The following APBA1 variants were observed in gnomAD, a reference collection of about 807,000 sequenced individuals.
APBA1 encodes the protein amyloid beta precursor protein binding family A member 1.
APBA1 carries 55 observed loss-of-function variants against 86.6 expected under a neutral mutation model. The ratio of observed to expected loss-of-function variants is 0.64; its 90% CI spans 0.51 to 0.80. The LOEUF is 0.80. Among genes scored for constraint, APBA1 ranks in the 30% least tolerant of loss-of-function variants. The pLI, the probability that APBA1 is intolerant of heterozygous loss-of-function variation, is 0.00. For synonymous variants in APBA1, 511 were observed against 493.9 expected (o/e 1.03, Z -0.46); for missense variants, 1,090 against 1,183.0 (o/e 0.92, Z 1.15).
intron 1 of APBA1, among the ~76,000 whole-genome samples, chr9:69,518,396 A>C (rs1024865392): frequency 3.9e-5 from 6 of 152,212 alleles, no homozygotes; most frequent in African/African-American, 1.4e-4. Context: ...TAAAATTCTA[A>C]GATTTTATGA....
chr9:69,579,820 C>G (rs1430149691), intron 1 of APBA1, among the ~76,000 whole-genome samples: 3 of 152,102 alleles, frequency 2.0e-5, no homozygotes, highest in Non-Finnish European at 4.4e-5. Context: ...AAGAGAAAAG[C>G]CAATTTGGAA....
At chr9:69,488,105 GAGA>G (rs566587282) in intron 2 of APBA1, among the ~76,000 whole-genome samples, 1 of 152,128 alleles carries the variant, frequency 6.6e-6, no homozygotes, top group Non-Finnish European at 1.5e-5. Context: ...GCACTGGTTA[GAGA>G]AGGAGTGATG....
chr9:69,656,012 C>T (rs1038112893), intron 1 of APBA1, among the ~76,000 whole-genome samples: 1 of 152,330 alleles, frequency 6.6e-6, no homozygotes, highest in East Asian at 1.9e-4. Context: ...GTATCCCATA[C>T]ATGTACAATT....
chr9:69,475,548 C>T (rs1204875560), intron 3 of APBA1, among the ~76,000 whole-genome samples: 1 of 152,148 alleles, frequency 6.6e-6, no homozygotes, highest in Non-Finnish European at 1.5e-5. Context: ...CCTAGGTAAA[C>T]TGGGAATGTA....
chr9:69,658,298 C>CTT (rs1823670070), intron 1 of APBA1, among the ~76,000 whole-genome samples: 5 of 82,906 alleles, frequency 6.0e-5, no homozygotes, highest in Admixed American at 1.4e-4. Flanking sequence ...CTCTCTTTCT[C>CTT]TCTCTCTCTT....
At chr9:69,584,292 G>A (rs914923510) in intron 1 of APBA1, among the ~76,000 whole-genome samples, 2 of 152,120 alleles carry the variant, frequency 1.3e-5, no homozygotes, top group Non-Finnish European at 2.9e-5. Context: ...CTAGAGGGTG[G>A]TAGTGGATGA....
At chr9:69,566,221 C>T (rs1380879691) in intron 1 of APBA1, among the ~76,000 whole-genome samples, 3 of 152,232 alleles carry the variant, frequency 2.0e-5, no homozygotes, top group Non-Finnish European at 2.9e-5. Flanking sequence ...TTTTATAGCA[C>T]AGATTAGGGA....
intron 1 of APBA1, among the ~76,000 whole-genome samples, chr9:69,631,993 C>T (rs1215029608): frequency 6.6e-6 from 1 of 151,878 alleles, no homozygotes; most frequent in Non-Finnish European, 1.5e-5. Context: ...CACATGTATA[C>T]ATATGTAACA....
intron 3 of APBA1, chr9:69,474,494 A>G (rs989450592): frequency 6.6e-6 from 1 of 152,266 alleles, no homozygotes; most frequent in African/African-American, 2.4e-5. Flanking sequence ...AATGCTCAAG[A>G]AACGATAGTG....
At chr9:69,543,915 TA>T (rs1472436353) in intron 1 of APBA1, among the ~76,000 whole-genome samples, 2 of 152,204 alleles carry the variant, frequency 1.3e-5, no homozygotes, top group Non-Finnish European at 2.9e-5. Context: ...TTGCACAGTA[TA>T]AAAACAAATT....
intron 1 of APBA1, among the ~76,000 whole-genome samples, chr9:69,578,313 C>A (rs901823969): frequency 6.6e-6 from 1 of 152,230 alleles, no homozygotes; most frequent in African/African-American, 2.4e-5. Context: ...CAAGCCACAG[C>A]ACAGCTGGCC....
intron 1 of APBA1, among the ~76,000 whole-genome samples, chr9:69,621,159 G>A (rs1345847058): frequency 6.6e-6 from 1 of 152,218 alleles, no homozygotes; most frequent in Non-Finnish European, 1.5e-5. Context: ...TATCACCAGT[G>A]AAGGGAATTT....
chr9:69,638,831 G>A (rs1823230445), intron 1 of APBA1, among the ~76,000 whole-genome samples: 1 of 152,104 alleles, frequency 6.6e-6, no homozygotes, highest in Non-Finnish European at 1.5e-5. Flanking sequence ...TGAGGTGTAT[G>A]TTTTTGAAAT....
chr9:69,540,122 G>GCAACAACAACAACAACAACAA (rs56405500), intron 1 of APBA1, among the ~76,000 whole-genome samples: 41 of 148,574 alleles, frequency 2.8e-4, no homozygotes, highest in Non-Finnish European at 4.2e-4. Flanking sequence ...CTCCATCTCG[G>GCAACAACAACAACAACAACAA]CAACAACAAC....
chr9:69,459,334 C>A (rs183207773), intron 5 of APBA1, among the ~76,000 whole-genome samples: 2 of 152,302 alleles, frequency 1.3e-5, no homozygotes, highest in East Asian at 3.9e-4. Context: ...ATTGTTCAAA[C>A]CTTCTATATA....
chr9:69,575,535 T>C (rs542027401), intron 1 of APBA1, among the ~76,000 whole-genome samples: 1 of 151,764 alleles, frequency 6.6e-6, no homozygotes, highest in Admixed American at 6.6e-5. Flanking sequence ...CAGAACAGAG[T>C]CCTCAGAAAT....
intron 5 of APBA1, 35 bp from the exon 6 acceptor site, chr9:69,458,223 A>C: frequency 6.3e-7 from 1 of 1,589,232 alleles, no homozygotes. Context: ...ACAGGAGAAT[A>C]GTTAGAAAGA....
chr9:69,599,967 G>A (rs1191383735), intron 1 of APBA1, among the ~76,000 whole-genome samples: 1 of 152,192 alleles, frequency 6.6e-6, no homozygotes, highest in Non-Finnish European at 1.5e-5. Flanking sequence ...TAGCGTTTCT[G>A]CAAATATCTG....
At chr9:69,545,571 C>T (rs1046870990) in intron 1 of APBA1, among the ~76,000 whole-genome samples, 1 of 152,170 alleles carries the variant, frequency 6.6e-6, no homozygotes, top group Non-Finnish European at 1.5e-5. Context: ...AGTCATAAAG[C>T]GTTGGATTTT....
Sources: allele counts gnomAD v4.1 joint callset (sites outside exome capture counted in the v4.1 genomes callset), GRCh38; gene constraint gnomAD v4.1.1; transcripts MANE v1.5; gene names NCBI Gene and HGNC (gene_info 2026-07-23, HGNC 2026-07-21).